ASPG: variants seen among roughly 807,000 people sequenced by gnomAD.
ASPG encodes the protein asparaginase.
Under a neutral mutation model 63.2 loss-of-function variants are expected in ASPG, and 53 were observed. The observed-to-expected ratio is 0.84, with a 90% CI of 0.67 to 1.05. ASPG has a LOEUF of 1.05. Ranked by LOEUF, ASPG falls within the 50% of genes least tolerant of loss-of-function variation. The pLI, the probability that ASPG is intolerant of heterozygous loss-of-function variation, is 0.00. For missense variants in ASPG, 741 were observed against 794.4 expected (o/e 0.93, Z 0.81); for synonymous variants, 370 against 355.0 (o/e 1.04, Z -0.48).
At chr14:104,102,453 C>T (rs2036920635) in intron 6 of ASPG, among the ~76,000 whole-genome samples, 1 of 152,146 alleles carries the variant, frequency 6.6e-6, no homozygotes, top group Admixed American at 6.5e-5. Flanking sequence ...AGGTTCCTGT[C>T]CCAGCACCGT....
Position 104,110,433 on chromosome 14 carries a change from G to A in ASPG, c.1521-1069G>A. On this transcript the variant is annotated intron_variant, in intron 13 of 15. Coordinates refer to ENST00000551177, the MANE Select transcript of ASPG (RefSeq NM_001080464.3). This position sits in a 1 kb window ranked among gnomAD's most constrained non-coding sequence, Gnocchi z 4.7. ...GGCCTTGCTGGCTCCATTGACAGAT[G>A]GGGAAACTGAGGCAGTAGTCAGGTC... 2 of 985,366 alleles carry A rather than the reference G, an allele frequency of 2.0e-6. No homozygotes were observed. Among genetic ancestry groups the A allele is most frequent in the South Asian group, 9.4e-5 (2 of 21,286 alleles). 61.0% of individuals were successfully genotyped at this position (985,366 alleles called of 1,614,324 possible).
intron 6 of ASPG, among the ~76,000 whole-genome samples, chr14:104,101,839 G>C (rs1424646114): frequency 6.6e-6 from 1 of 152,210 alleles, no homozygotes; most frequent in African/African-American, 2.4e-5. Flanking sequence ...CGGCTCCTGT[G>C]CTGAGCTCCC....
At chr14:104,085,893 G>A in intron 1 of ASPG, 41 bp downstream of exon 1, 1 of 1,532,200 alleles carries the variant, frequency 6.5e-7, no homozygotes, top group Admixed American at 2.0e-5. Context: ...TCTGGACCTG[G>A]CCGCGACCGG....
At chr14:104,095,489 T>C (rs1331089440) in intron 3 of ASPG, 42 bp from the exon 4 acceptor site, 1 of 1,610,388 alleles carries the variant, frequency 6.2e-7, no homozygotes, top group African/African-American at 1.3e-5. Flanking sequence ...CCACACCTGC[T>C]TGCGAGGGGC....
chr14:104,097,716 C>T (rs1397519506), intron 5 of ASPG, 79 bp downstream of exon 5: 14 of 1,367,192 alleles, frequency 1.0e-5, no homozygotes, highest in Non-Finnish European at 1.3e-5. Context: ...AACAAAGTCC[C>T]CCCAGCCCCT....
chr14:104,106,921 A>C, intron 11 of ASPG, 27 bp downstream of exon 11: 1 of 1,546,542 alleles, frequency 6.5e-7, no homozygotes, highest in South Asian at 1.2e-5. Context: ...CTGGGGGCCC[A>C]GCCCCAGCCA....
intron 4 of ASPG, 88 bp from the exon 5 acceptor site, chr14:104,097,466 G>A (rs914578936): frequency 3.8e-5 from 51 of 1,330,722 alleles, no homozygotes; most frequent in Non-Finnish European, 5.0e-5. Flanking sequence ...TCCTGGGCTG[G>A]GCCTGGGGGT....
Position 104,111,984 on chromosome 14 carries a change from C to T in ASPG, c.1685C>T (p.Ala562Val). 1.3e-6 allele frequency: 2 copies of T among 1,554,984 alleles called. No homozygotes were observed. The highest frequency in any genetic ancestry group is 1.7e-6 in the Non-Finnish European group (2 of 1,148,998). ...CAGAGCCTGGAGGGTGCGGTTGGTG[C>T]CCAGGCCCCATGCCCAGTAAGTCCC... ...FLQSLEGAVG[A>V]QAPCPEVLPG... The change falls in exon 15 of 16, where the codon GCC becomes GTC. Residue 562 changes from alanine to valine, a missense_variant. Coordinates refer to ENST00000551177, the MANE Select transcript of ASPG (RefSeq NM_001080464.3).
intron 6 of ASPG, among the ~76,000 whole-genome samples, chr14:104,101,796 G>T (rs1266735037): frequency 6.6e-6 from 1 of 152,172 alleles, no homozygotes; most frequent in Non-Finnish European, 1.5e-5. Flanking sequence ...CAGCTGTGCC[G>T]CATCCAGCTT....
intron 6 of ASPG, among the ~76,000 whole-genome samples, chr14:104,101,512 C>T (rs1420543808): frequency 6.6e-6 from 1 of 152,140 alleles, no homozygotes; most frequent in Non-Finnish European, 1.5e-5. Context: ...CCCTGCTGGC[C>T]CTGTCCTTTC....
chr14:104,090,370 A>G (rs996476457), intron 1 of ASPG, among the ~76,000 whole-genome samples: 8 of 152,292 alleles, frequency 5.3e-5, no homozygotes. Context: ...CACCTTTCCC[A>G]TAAGGCACCC....
At position 104,110,060 on chromosome 14, in the gene ASPG, T is replaced by G. The variant is rs2141059327; in HGVS notation, c.1520+745T>G. ...ACCCCATGCCTTGTGCCTGGTGACT[T>G]GGCGCTGCCTCCTGTGCCCAGCCTG... On this transcript the variant is annotated intron_variant, in intron 13 of 15. Coordinates refer to ENST00000551177, the MANE Select transcript of ASPG (RefSeq NM_001080464.3). The surrounding 1 kb of genome is among the most constrained non-coding windows in gnomAD (Gnocchi z 4.7). 1 of 985,344 alleles carries G rather than the reference T, an allele frequency of 1.0e-6. No homozygotes were observed. Among genetic ancestry groups the G allele is most frequent in the South Asian group, 4.7e-5 (1 of 21,286 alleles). The allele number at this position is 985,344 out of a possible 1,614,324, so 61.0% of individuals were successfully genotyped here.
chr14:104,089,840 C>T (rs545828846), intron 1 of ASPG, among the ~76,000 whole-genome samples: 182 of 144,890 alleles, frequency 1.3e-3, no homozygotes, highest in African/African-American at 4.5e-3. Context: ...CCCGGCTACT[C>T]GGGAGGCTAA....
chr14:104,106,061 A>C (rs2037113963), intron 10 of ASPG, among the ~76,000 whole-genome samples: 1 of 152,210 alleles, frequency 6.6e-6, no homozygotes, highest in African/African-American at 2.4e-5. Flanking sequence ...GTTTCCCCCT[A>C]CAGGGATGGA....
Position 104,110,287 on chromosome 14 carries a change from G to A in ASPG, c.1520+972G>A, listed in dbSNP as rs539337106. 5 of 985,216 alleles carry A rather than the reference G, an allele frequency of 5.1e-6. No homozygotes were observed. Among genetic ancestry groups the A allele is most frequent in the Admixed American group, 6.1e-5 (1 of 16,280 alleles). The allele number at this position is 985,216 out of a possible 1,614,324, so 61.0% of individuals were successfully genotyped here. A position where few individuals can be genotyped will look rare whatever the true frequency, so the allele number is the denominator to read the frequency against. On this transcript the variant is annotated intron_variant, in intron 13 of 15. Transcript: ENST00000551177. The surrounding 1 kb of genome is among the most constrained non-coding windows in gnomAD (Gnocchi z 4.7). ...TGGCTGGGAGGGGGTGGGTGCAGGC[G>A]CCTGCCCAGCAGGAGGAGGACTAGC...
At chr14:104,105,100 G>A (rs2037063322) in intron 9 of ASPG, 1 of 647,728 alleles carries the variant, frequency 1.5e-6, no homozygotes, top group African/African-American at 1.8e-5. Context: ...TCTGGGGCTG[G>A]ACGGAGGCTT....
At chr14:104,095,510 G>T in intron 3 of ASPG, 21 bp from the exon 4 acceptor site, 1 of 1,612,112 alleles carries the variant, frequency 6.2e-7, no homozygotes. Context: ...TGGCCTGCCT[G>T]AGCATGCGCC....
intron 5 of ASPG, among the ~76,000 whole-genome samples, chr14:104,097,995 CTGCGT>C (rs1566830266): frequency 8.6e-6 from 1 of 116,002 alleles, no homozygotes; most frequent in African/African-American, 3.5e-5. Context: ...TATGGAGGTT[CTGCGT>C]TAGAGATGCG....
intron 1 of ASPG, among the ~76,000 whole-genome samples, chr14:104,086,657 C>T (rs1051267814): frequency 2.8e-4 from 43 of 152,114 alleles, no homozygotes; most frequent in African/African-American, 8.0e-4. Flanking sequence ...CTGGGGCCCC[C>T]AGATGGGCTC....
Sources: gnomAD v4.1 joint callset for allele counts (sites outside exome capture counted in the v4.1 genomes callset) on GRCh38, gnomAD v4.1.1 for gene constraint, Gnocchi (gnomAD v3.1) non-coding constraint, MANE v1.5 for transcripts, NCBI Gene and HGNC (gene_info 2026-07-23, HGNC 2026-07-21) for gene names.